Variants in ENPP6 observed in about 807,000 individuals in gnomAD.
ENPP6 encodes glycerophosphocholine cholinephosphodiesterase ENPP6.
A neutral mutation model predicts 42.0 loss-of-function variants in ENPP6; 32 were observed. The ratio of observed to expected loss-of-function variants is 0.76; its 90% CI spans 0.58 to 1.02. ENPP6 has a LOEUF of 1.02. ENPP6 is among the 50% of genes least tolerant of loss of function. The pLI is 0.00. For synonymous variants in ENPP6, 213 were observed against 216.0 expected (o/e 0.99, Z 0.12); for missense variants, 552 against 566.8 (o/e 0.97, Z 0.27).
Position 184,091,044 on chromosome 4 carries a change from A to G in ENPP6, c.*133T>C. On this transcript the variant is annotated 3_prime_UTR_variant, in exon 8 of 8. Coordinates refer to ENST00000296741, the MANE Select transcript of ENPP6 (RefSeq NM_153343.4). ...CTTTTATGTATAGAATTATCCAAGA[A>G]TAATGTATTTACAATGTGCATGGTC... is the stretch of plus-strand genomic sequence containing the variant. The G allele has an allele frequency of 1.3e-6, 1 of 792,576 alleles. No homozygotes were observed. Among genetic ancestry groups the G allele is most frequent in the Non-Finnish European group, 1.8e-6 (1 of 550,120 alleles). 49.1% of individuals were successfully genotyped at this position (792,576 alleles called of 1,614,324 possible).
chr4:184,212,193 C>G (rs1222251525), intron 1 of ENPP6, among the ~76,000 whole-genome samples: 2 of 151,890 alleles, frequency 1.3e-5, no homozygotes, highest in Non-Finnish European at 2.9e-5. Flanking sequence ...CAGGGATGCC[C>G]TCTCTCACCA....
chr4:184,216,801 C>G (rs535291985), intron 1 of ENPP6: 1 of 152,160 alleles, frequency 6.6e-6, no homozygotes. Context: ...GGCTCAGGTT[C>G]ATGCAGTCGC....
At chr4:184,095,687 G>GAT (rs1199367404) in intron 7 of ENPP6, among the ~76,000 whole-genome samples, 17 of 149,766 alleles carry the variant, frequency 1.1e-4, no homozygotes, top group African/African-American at 4.2e-4. Context: ...TATATATATA[G>GAT]ATATATATAT....
At chr4:184,147,024 C>G (rs1201398038) in intron 2 of ENPP6, among the ~76,000 whole-genome samples, 3 of 152,156 alleles carry the variant, frequency 2.0e-5, no homozygotes, top group Admixed American at 1.3e-4. Context: ...GTATCTCCAG[C>G]CCTCTTCTCT....
At position 184,153,229 on chromosome 4, in the gene ENPP6, G is replaced by A. The variant is rs532490766; in HGVS notation, c.421+325C>T. On this transcript the variant is annotated intron_variant, in intron 2 of 7. Coordinates refer to ENST00000296741, the MANE Select transcript of ENPP6 (RefSeq NM_153343.4). ...CAACCTCCGCCTCCTGGGTTCAAGC[G>A]ATCCTCCTGTCTCAGCCTCCCGAGT... is the stretch of plus-strand genomic sequence containing the variant. Among the ~76,000 whole-genome samples, 283 of 151,272 alleles carry A rather than the reference G, an allele frequency of 1.9e-3. 1 individual carries two copies. The highest frequency in any genetic ancestry group is 6.4e-3 in the African/African-American group (264 of 41,170).
At chr4:184,109,549 A>G (rs1736165446) in intron 6 of ENPP6, among the ~76,000 whole-genome samples, 1 of 152,188 alleles carries the variant, frequency 6.6e-6, no homozygotes, top group Non-Finnish European at 1.5e-5. Flanking sequence ...GTGAGCCACC[A>G]TGGATAGTGT....
In ENPP6 at chr4:184,140,132, G is replaced by GT. The variant is rs556704193; in HGVS notation, c.421+13421dup. On this transcript the variant is annotated intron_variant, in intron 2 of 7. Coordinates refer to ENST00000296741, the MANE Select transcript of ENPP6 (RefSeq NM_153343.4). ...AGTGATGGTGAGCATTTTTTCATGT[G>GT]TTTTTTGGCTGCATAAATGTCTTCA... Among the ~76,000 whole-genome samples, 1,182 of 151,750 alleles carry GT rather than the reference G, an allele frequency of 7.8e-3. 23 individuals carry two copies. Among genetic ancestry groups the GT allele is most frequent in the African/African-American group, 0.027 (1,128 of 41,322 alleles).
intron 5 of ENPP6, among the ~76,000 whole-genome samples, chr4:184,113,863 C>A (rs543651669): frequency 1.3e-5 from 2 of 151,696 alleles, no homozygotes; most frequent in Non-Finnish European, 2.9e-5. Flanking sequence ...CTTTTTATCT[C>A]TCTCTCTTTC....
chr4:184,200,474 G>A (rs952555671), intron 1 of ENPP6, among the ~76,000 whole-genome samples: 4 of 152,296 alleles, frequency 2.6e-5, no homozygotes, highest in Middle Eastern at 3.4e-3. Flanking sequence ...TTTTGGCTTC[G>A]GTTGGGGTTA....
chr4:184,122,362 C>A (rs1362639480), intron 3 of ENPP6, among the ~76,000 whole-genome samples: 1 of 152,036 alleles, frequency 6.6e-6, no homozygotes, highest in Non-Finnish European at 1.5e-5. Flanking sequence ...GTAGCCCTTT[C>A]TTCCTGGTGG....
chr4:184,206,483 C>T (rs941053361), intron 1 of ENPP6, among the ~76,000 whole-genome samples: 4 of 149,198 alleles, frequency 2.7e-5, no homozygotes, highest in African/African-American at 2.5e-5. Context: ...GTCTCGATCT[C>T]CTGACCTCGT....
chr4:184,133,828 G>T (rs998883009), intron 2 of ENPP6, among the ~76,000 whole-genome samples: 1 of 149,982 alleles, frequency 6.7e-6, no homozygotes, highest in Non-Finnish European at 1.5e-5. Context: ...ATGATTAGAT[G>T]ATTTTCTCTT....
At chr4:184,108,988 A>G (rs1043895349) in intron 6 of ENPP6, among the ~76,000 whole-genome samples, 1 of 152,262 alleles carries the variant, frequency 6.6e-6, no homozygotes, top group Non-Finnish European at 1.5e-5. Context: ...AGGCGGGCAG[A>G]TCACTTGAGG....
intron 1 of ENPP6, among the ~76,000 whole-genome samples, chr4:184,206,251 A>AT (rs1554000365): frequency 0.012 from 1,159 of 93,290 alleles, 6 homozygotes; most frequent in Non-Finnish European, 0.017. Context: ...GGAAGCTTGA[A>AT]TTTTTTTTTT....
chr4:184,099,863 T>G (rs1426187592), intron 6 of ENPP6, among the ~76,000 whole-genome samples: 2 of 152,246 alleles, frequency 1.3e-5, no homozygotes, highest in South Asian at 4.1e-4. Context: ...TGCTTCTCCC[T>G]CTCACAGTCT....
intron 1 of ENPP6, among the ~76,000 whole-genome samples, chr4:184,156,308 TG>T (rs1272874084): frequency 6.6e-6 from 1 of 152,162 alleles, no homozygotes; most frequent in Non-Finnish European, 1.5e-5. Flanking sequence ...AGTCTGTGCT[TG>T]GAACAGTCGA....
At chr4:184,106,971 A>G (rs1408452939) in intron 6 of ENPP6, among the ~76,000 whole-genome samples, 1 of 152,030 alleles carries the variant, frequency 6.6e-6, no homozygotes, top group East Asian at 1.9e-4. Context: ...TCCACTTGGC[A>G]TTTTGCTGTG....
chr4:184,152,181 A>G (rs1737063225), intron 2 of ENPP6, among the ~76,000 whole-genome samples: 1 of 152,114 alleles, frequency 6.6e-6, no homozygotes, highest in Admixed American at 6.5e-5. Flanking sequence ...GGTGCGCGCC[A>G]CGCCGCACCA....
At chr4:184,182,959 C>T (rs1732579802) in intron 1 of ENPP6, among the ~76,000 whole-genome samples, 1 of 152,140 alleles carries the variant, frequency 6.6e-6, no homozygotes. Flanking sequence ...CCATGGCACA[C>T]GTTTACCTGT....
Sources: gnomAD v4.1 joint callset for allele counts (sites outside exome capture counted in the v4.1 genomes callset) on GRCh38, gnomAD v4.1.1 for gene constraint, MANE v1.5 for transcripts, NCBI Gene and HGNC (gene_info 2026-07-23, HGNC 2026-07-21) for gene names.